SMAP1: variants seen among roughly 807,000 people sequenced by gnomAD.
The protein encoded by SMAP1 is small ArfGAP 1.
Under a neutral mutation model 58.5 loss-of-function variants are expected in SMAP1, and 24 were observed. The observed-to-expected ratio is 0.41, with a 90% CI of 0.30 to 0.58. The LOEUF (loss-of-function observed/expected upper bound fraction) is 0.58. Ranked by LOEUF, SMAP1 falls within the 20% of genes least tolerant of loss-of-function variation. The pLI is 0.29. For synonymous variants in SMAP1, 216 were observed against 196.6 expected, an observed-to-expected ratio of 1.10 and a Z score of -0.82; for missense variants, 563 against 566.3, an observed-to-expected ratio of 0.99 and a Z score of 0.06.
intron 1 of SMAP1, among the ~76,000 whole-genome samples, chr6:70,693,521 C>T (rs770150945): frequency 6.6e-6 from 1 of 151,946 alleles, no homozygotes; most frequent in Non-Finnish European, 1.5e-5. Flanking sequence ...CCAGGATGGT[C>T]TCCATCTCTT....
At chr6:70,787,634 G>A (rs1158822075) in intron 4 of SMAP1, among the ~76,000 whole-genome samples, 1 of 152,066 alleles carries the variant, frequency 6.6e-6, no homozygotes, top group South Asian at 2.1e-4. Flanking sequence ...CAAAAAGTGG[G>A]CAAAGGATAT....
chr6:70,774,447 C>T (rs1308253090), intron 4 of SMAP1, among the ~76,000 whole-genome samples: 1 of 152,126 alleles, frequency 6.6e-6, no homozygotes, highest in Non-Finnish European at 1.5e-5. Context: ...GAAATAGATT[C>T]ATCTCATTTT....
At chr6:70,712,748 A>AT (rs962683115) in intron 1 of SMAP1, among the ~76,000 whole-genome samples, 27 of 129,806 alleles carry the variant, frequency 2.1e-4, no homozygotes, top group East Asian at 1.6e-3. Flanking sequence ...GTAGTTCCTT[A>AT]TTTTTTTTTA....
At chr6:70,832,662 C>A (rs1266560639) in intron 6 of SMAP1, among the ~76,000 whole-genome samples, 1 of 152,232 alleles carries the variant, frequency 6.6e-6, no homozygotes, top group East Asian at 1.9e-4. Context: ...CTGGTGAGGT[C>A]CCTCATGCTG....
At chr6:70,687,164 T>C (rs1328128165) in intron 1 of SMAP1, among the ~76,000 whole-genome samples, 2 of 152,356 alleles carry the variant, frequency 1.3e-5, no homozygotes, top group East Asian at 3.9e-4. Flanking sequence ...ATAATGCAGA[T>C]TATAGAATGT....
intron 1 of SMAP1, among the ~76,000 whole-genome samples, chr6:70,714,366 T>G (rs191436084): frequency 3.3e-5 from 5 of 152,294 alleles, no homozygotes; most frequent in Admixed American, 1.3e-4. Flanking sequence ...ATTCTTTGTG[T>G]AACTTCTATA....
chr6:70,759,778 T>C (rs765858899), intron 3 of SMAP1: 1 of 333,710 alleles, frequency 3.0e-6, no homozygotes, highest in South Asian at 2.3e-5. Flanking sequence ...GAGATTTTTA[T>C]AGTGAATTGA....
intron 2 of SMAP1, among the ~76,000 whole-genome samples, chr6:70,749,011 A>C (rs1244686735): frequency 6.6e-6 from 1 of 152,138 alleles, no homozygotes; most frequent in African/African-American, 2.4e-5. Context: ...GAAAATTGGC[A>C]TATTAGTGTG....
At chr6:70,671,760 T>C (rs1276594994) in intron 1 of SMAP1, among the ~76,000 whole-genome samples, 7 of 152,252 alleles carry the variant, frequency 4.6e-5, no homozygotes, top group Admixed American at 4.6e-4. Context: ...TTTGACTTCA[T>C]ATGTTTTCAA....
chr6:70,729,108 T>G (rs1765305735), intron 1 of SMAP1, among the ~76,000 whole-genome samples: 1 of 152,152 alleles, frequency 6.6e-6, no homozygotes, highest in African/African-American at 2.4e-5. Context: ...TGTGCTTTTT[T>G]GCTCTTTTTG....
intron 3 of SMAP1, among the ~76,000 whole-genome samples, chr6:70,757,670 C>T (rs1387374814): frequency 6.6e-6 from 1 of 151,870 alleles, no homozygotes; most frequent in Non-Finnish European, 1.5e-5. Flanking sequence ...AACAAATTTA[C>T]AAGAAAAAAA....
chr6:70,698,734 G>A (rs1053747288), intron 1 of SMAP1, among the ~76,000 whole-genome samples: 4 of 143,190 alleles, frequency 2.8e-5, no homozygotes, highest in Non-Finnish European at 6.1e-5. Flanking sequence ...ATTTCTGCTT[G>A]ATTTTTAGTT....
chr6:70,747,822 C>T (rs1582106421), intron 2 of SMAP1, among the ~76,000 whole-genome samples: 1 of 152,096 alleles, frequency 6.6e-6, no homozygotes, highest in African/African-American at 2.4e-5. Flanking sequence ...ACATTCTCTC[C>T]GTTTGTAGTA....
At chr6:70,817,709 G>C (rs1229207337) in intron 6 of SMAP1, among the ~76,000 whole-genome samples, 1 of 152,044 alleles carries the variant, frequency 6.6e-6, no homozygotes, top group Non-Finnish European at 1.5e-5. Flanking sequence ...ATTTTAAAGA[G>C]GGGTCAAAAA....
At chr6:70,712,142 G>A (rs141111387) in intron 1 of SMAP1, among the ~76,000 whole-genome samples, 1 of 152,212 alleles carries the variant, frequency 6.6e-6, no homozygotes. Flanking sequence ...ATTATGAAAA[G>A]ATGTGGAACT....
intron 4 of SMAP1, among the ~76,000 whole-genome samples, chr6:70,783,099 C>T (rs569630547): frequency 5.7e-4 from 87 of 152,274 alleles, no homozygotes; most frequent in African/African-American, 1.9e-3. Context: ...TCCAGAGGAA[C>T]GATCAGGCAG....
At chr6:70,721,318 G>C (rs1411701087) in intron 1 of SMAP1, among the ~76,000 whole-genome samples, 2 of 152,138 alleles carry the variant, frequency 1.3e-5, no homozygotes, top group Non-Finnish European at 2.9e-5. Flanking sequence ...CAAACCTCTA[G>C]GGCAGGGGCA....
intron 1 of SMAP1, among the ~76,000 whole-genome samples, chr6:70,675,390 C>G (rs981413608): frequency 6.6e-6 from 1 of 151,518 alleles, no homozygotes; most frequent in African/African-American, 2.4e-5. Context: ...GTGGTGTACA[C>G]CTGTAATCCC....
intron 2 of SMAP1, among the ~76,000 whole-genome samples, chr6:70,739,765 CT>C (rs1463219214): frequency 2.0e-5 from 3 of 151,908 alleles, no homozygotes; most frequent in Non-Finnish European, 4.4e-5. Flanking sequence ...CTTTTGGATC[CT>C]TTTTGTTACT....
Sources: allele counts gnomAD v4.1 joint callset (sites outside exome capture counted in the v4.1 genomes callset), GRCh38; gene constraint gnomAD v4.1.1; transcripts MANE v1.5; gene names NCBI Gene and HGNC (gene_info 2026-07-23, HGNC 2026-07-21).